The following HEATR4 variants were observed in gnomAD, a reference collection of about 807,000 sequenced individuals.
HEATR4 encodes HEAT repeat containing 4.
Under a neutral mutation model 108.8 loss-of-function variants are expected in HEATR4, and 95 were observed. That is an observed-to-expected ratio of 0.87 (90% CI 0.74 to 1.04). HEATR4 has a LOEUF of 1.04. Ranked by LOEUF, HEATR4 falls within the 50% of genes least tolerant of loss-of-function variation. HEATR4 has a pLI of 0.00. For missense variants in HEATR4, 1,152 were observed against 1,253.8 expected (o/e 0.92, Z 1.23); for synonymous variants, 443 against 459.4 (o/e 0.96, Z 0.46).
chr14:73,598,865 G>A, the HEATR4 span, among the ~76,000 whole-genome samples: 2 of 152,136 alleles, frequency 1.3e-5, no homozygotes, highest in Non-Finnish European at 1.5e-5. Context: ...GTAGCCAGGT[G>A]TGGTGTTGGG....
the HEATR4 span, among the ~76,000 whole-genome samples, chr14:73,608,104 T>C: frequency 5.9e-5 from 9 of 151,712 alleles, no homozygotes; most frequent in East Asian, 1.7e-3. Context: ...TTTGTACTTT[T>C]AGTAGAGATG....
the HEATR4 span, chr14:73,619,916 T>TCG: frequency 7.1e-7 from 1 of 1,407,038 alleles, no homozygotes; most frequent in Non-Finnish European, 9.4e-7. Flanking sequence ...TTCTTTCTTT[T>TCG]CTCTTTTTTT....
the HEATR4 span, chr14:73,569,670 T>G: frequency 6.2e-7 from 1 of 1,608,360 alleles, no homozygotes; most frequent in Non-Finnish European, 8.5e-7. Flanking sequence ...GGGGCTGCTC[T>G]GGGCCTTGGA....
the HEATR4 span, among the ~76,000 whole-genome samples, chr14:73,632,710 G>A: frequency 6.6e-6 from 1 of 151,678 alleles, no homozygotes; most frequent in African/African-American, 2.4e-5. Context: ...CAGATGCAGT[G>A]GTTTGCGCCT....
chr14:73,630,573 G>T, the HEATR4 span, among the ~76,000 whole-genome samples: 1 of 152,304 alleles, frequency 6.6e-6, no homozygotes, highest in African/African-American at 2.4e-5. Flanking sequence ...ATTCTTCTTG[G>T]CTTCTCTGAG....
chr14:73,580,134 G>A, the HEATR4 span, among the ~76,000 whole-genome samples: 1 of 151,924 alleles, frequency 6.6e-6, no homozygotes, highest in Admixed American at 6.6e-5. Flanking sequence ...GGGTGGGGCA[G>A]GGGGTTGTTT....
the HEATR4 span, among the ~76,000 whole-genome samples, chr14:73,616,382 AC>A: frequency 6.6e-6 from 1 of 151,846 alleles, no homozygotes; most frequent in African/African-American, 2.4e-5. Flanking sequence ...CAGTGGTGTG[AC>A]AATAATTTAT....
chr14:73,542,406 T>TC (rs1280124497), intron 1 of HEATR4, among the ~76,000 whole-genome samples: 2 of 102,718 alleles, frequency 1.9e-5, no homozygotes, highest in African/African-American at 6.6e-5. Context: ...TTTCTTTCTT[T>TC]TTTTTTTTTT....
intron 2 of HEATR4, 105 bp from the exon 3 acceptor site, chr14:73,523,329 G>T (rs1888093177): frequency 1.7e-6 from 1 of 595,458 alleles, no homozygotes; most frequent in East Asian, 2.8e-5. Context: ...TGGAAAGGGG[G>T]TGGGGAAGAG....
At chr14:73,583,874 C>A in the HEATR4 span, among the ~76,000 whole-genome samples, 1 of 151,884 alleles carries the variant, frequency 6.6e-6, no homozygotes, top group Non-Finnish European at 1.5e-5. Flanking sequence ...GTGGTGCGCA[C>A]CTGTAGTCCC....
At chr14:73,589,916 C>T in the HEATR4 span, among the ~76,000 whole-genome samples, 68 of 152,146 alleles carry the variant, frequency 4.5e-4, no homozygotes, top group East Asian at 8.9e-3. Flanking sequence ...GCTCTTAAGG[C>T]GGCATGTCTG....
chr14:73,512,159 A>G lies in HEATR4; in HGVS notation c.1415-10T>C. ...TGGTGCCACTCTATGACTGAGCCGCAGTGAGGGAAATGAAAAGAGAACCAC... is the reference window on the plus strand; with the variant it reads ...TGGTGCCACTCTATGACTGAGCCGCGGTGAGGGAAATGAAAAGAGAACCAC... On this transcript the variant is annotated splice_polypyrimidine_tract_variant and intron_variant, in intron 6 of 17. Transcript: ENST00000553558. 3.7e-6 allele frequency: 6 copies of G among 1,614,028 alleles called. No homozygotes were observed. Among genetic ancestry groups the G allele is most frequent in the Non-Finnish European group, 5.1e-6 (6 of 1,179,926 alleles).
chr14:73,492,067 G>A lies in HEATR4; in HGVS notation c.2844+999C>T, dbSNP rs1368555560. The A allele has an allele frequency of 6.2e-7, 1 of 1,614,028 alleles. No homozygotes were observed. Among genetic ancestry groups the A allele is most frequent in the Non-Finnish European group, 8.5e-7 (1 of 1,179,902 alleles). On this transcript the variant is annotated intron_variant, in intron 17 of 17. Coordinates refer to ENST00000553558, the MANE Select transcript of HEATR4 (RefSeq NM_001220484.1). This position sits in a 1 kb window ranked among gnomAD's most constrained non-coding sequence, Gnocchi z 4.9. ...ACGACATCGAGGCCTTCGTGCTGCA[G>A]CTGGAAGGTAGGAAACTCTGGCGTG... is the stretch of plus-strand genomic sequence containing the variant.
intron 17 of HEATR4, among the ~76,000 whole-genome samples, chr14:73,488,552 G>A (rs989729425): frequency 2.0e-5 from 3 of 151,986 alleles, no homozygotes; most frequent in Non-Finnish European, 1.5e-5. Context: ...TTACAGGCAT[G>A]AGCTTGCTTC....
At chr14:73,480,116 T>C (rs943943234) in intron 17 of HEATR4, among the ~76,000 whole-genome samples, 15 of 152,238 alleles carry the variant, frequency 9.9e-5, no homozygotes, top group Non-Finnish European at 1.9e-4. Flanking sequence ...ATAAAACCAA[T>C]GTATTATTTA....
At chr14:73,486,753 T>C (rs1190268625) in intron 17 of HEATR4, among the ~76,000 whole-genome samples, 1 of 152,080 alleles carries the variant, frequency 6.6e-6, no homozygotes, top group African/African-American at 2.4e-5. Flanking sequence ...TCCTTCCCAG[T>C]ATATTTACAC....
Position 73,508,129 on chromosome 14 carries a change from C to T in HEATR4, c.1881+5G>A, listed in dbSNP as rs760205359. Reference sequence around the variant, plus strand: ...ACTGTGTCTGACCCGGTAATGGACACATACTGTCTTCTCACTCAGATAGCT... The same window carrying T: ...ACTGTGTCTGACCCGGTAATGGACATATACTGTCTTCTCACTCAGATAGCT... On this transcript the variant is annotated splice_donor_5th_base_variant and intron_variant, in intron 9 of 17. Transcript: ENST00000553558. 1.9e-5 allele frequency: 31 copies of T among 1,613,630 alleles called. No individual in the cohort carries two copies. The African/African-American group carries it at 4.0e-4, about 21-fold the overall frequency.
In HEATR4 at chr14:73,500,608, G is replaced by T; in HGVS notation, c.2228C>A (p.Thr743Lys). ...SFLHCFSDDF[T>K]AVRRAACLAA... ...CAAACAGGCTGCCCGCCGAACTGCT[G>T]TGAAGTCATCAGAGAAGCAGTGCAG... Residue 743 changes from threonine to lysine, a missense_variant, in exon 12 of 18, where the codon ACA becomes AAA. Physicochemically the swap from Thr to Lys is moderately conservative, Grantham distance 78. Transcript: ENST00000553558. The T allele has an allele frequency of 6.2e-7, 1 of 1,614,142 alleles. No homozygotes were observed. The highest frequency in any genetic ancestry group is 8.5e-7 in the Non-Finnish European group (1 of 1,180,026).
In HEATR4 at chr14:73,492,469, G is replaced by T; in HGVS notation, c.2844+597C>A. On this transcript the variant is annotated intron_variant, in intron 17 of 17. Coordinates refer to ENST00000553558, the MANE Select transcript of HEATR4 (RefSeq NM_001220484.1). The surrounding 1 kb of genome is among the most constrained non-coding windows in gnomAD (Gnocchi z 4.9). ...CTTTCATGGAGAAGGTGCGGGTCTT[G>T]GTTGCCCGCCTGGGACACTTTGCTC... 6.2e-7 allele frequency: 1 copy of T among 1,613,786 alleles called. No homozygotes were observed. The highest frequency in any genetic ancestry group is 8.5e-7 in the Non-Finnish European group (1 of 1,179,806).
Sources: allele counts gnomAD v4.1 joint callset (sites outside exome capture counted in the v4.1 genomes callset), GRCh38; gene constraint gnomAD v4.1.1; non-coding constraint Gnocchi (gnomAD v3.1); transcripts MANE v1.5; gene names NCBI Gene and HGNC (gene_info 2026-07-23, HGNC 2026-07-21).